FER1L6: variants seen among roughly 807,000 people sequenced by gnomAD.
The protein encoded by FER1L6 is fer-1-like protein 6.
FER1L6 carries 177 observed loss-of-function variants against 219.2 expected under a neutral mutation model. That is an observed-to-expected ratio of 0.81 (90% CI 0.71 to 0.91). The LOEUF is 0.91. Ranked by LOEUF, FER1L6 falls within the 40% of genes least tolerant of loss-of-function variation. The probability of loss-of-function intolerance (pLI) is 0.00; values close to 1 mark genes in which losing one functional copy is unlikely to be tolerated. For missense variants in FER1L6, 2,153 were observed against 2,259.9 expected (o/e 0.95, Z 0.96); for synonymous variants, 768 against 824.3 (o/e 0.93, Z 1.17).
Position 124,095,025 on chromosome 8 carries a change from C to T in FER1L6, c.4682C>T (p.Pro1561Leu), listed in dbSNP as rs1020193180. The T allele has an allele frequency of 3.1e-6, 5 of 1,613,916 alleles. No individual in the cohort carries two copies. The African/African-American group carries it at 5.3e-5, about 17-fold the overall frequency. ...ETRPLYHKDK[P>L]GMEQGRLQMW... ...CGGCCACTGTACCACAAGGATAAGC[C>T]AGGAATGGAGCAGGTAGTGGGCAAG... Residue 1561 changes from proline (P) to leucine (L), a missense_variant, in exon 35 of 41, where the codon CCA becomes CTA. Pro to Leu is a moderately conservative substitution (Grantham distance 98, BLOSUM62 -3). Transcript: ENST00000522917.
At chr8:124,108,923 A>C (rs1457135889) in intron 39 of FER1L6, among the ~76,000 whole-genome samples, 1 of 152,144 alleles carries the variant, frequency 6.6e-6, no homozygotes, top group Non-Finnish European at 1.5e-5. Flanking sequence ...GGGGGGAAGA[A>C]TAGAACCTCT....
At chr8:124,106,871 C>CA (rs1247168065) in intron 39 of FER1L6, among the ~76,000 whole-genome samples, 7 of 151,424 alleles carry the variant, frequency 4.6e-5, no homozygotes, top group African/African-American at 1.7e-4. Flanking sequence ...ACATAATACT[C>CA]AAATATTTAT....
intron 12 of FER1L6, among the ~76,000 whole-genome samples, chr8:123,996,804 A>C (rs1403448222): frequency 6.6e-6 from 1 of 151,900 alleles, no homozygotes; most frequent in Non-Finnish European, 1.5e-5. Context: ...TTTTGATTTG[A>C]GGTTATCATA....
intron 13 of FER1L6, among the ~76,000 whole-genome samples, chr8:124,009,692 G>A (rs139037643): frequency 3.9e-5 from 6 of 152,204 alleles, no homozygotes; most frequent in South Asian, 2.1e-4. Context: ...GAGGGTCATT[G>A]ATCGGGAGGT....
chr8:123,909,596 A>G (rs1048000419), intron 1 of FER1L6, among the ~76,000 whole-genome samples: 2 of 152,196 alleles, frequency 1.3e-5, no homozygotes, highest in Non-Finnish European at 2.9e-5. Flanking sequence ...CTACACATAA[A>G]GGTTGAGGGG....
chr8:123,890,156 T>A (rs541270609), intron 1 of FER1L6, among the ~76,000 whole-genome samples: 1 of 152,250 alleles, frequency 6.6e-6, no homozygotes, highest in Admixed American at 6.5e-5. Flanking sequence ...TGTTCCATAC[T>A]CCATTTACTC....
At position 123,853,767 on chromosome 8, in the gene FER1L6, G is replaced by A. The variant is rs902664458; in HGVS notation, c.-8+1582G>A. 6.6e-6 allele frequency among the ~76,000 whole-genome samples: 1 copy of A among 152,236 alleles called. No individual in the cohort carries two copies. Among genetic ancestry groups the A allele is most frequent in the African/African-American group, 2.4e-5 (1 of 41,456 alleles). ...CCAGAAAGCTGCAGACAACCCAACA[G>A]TGTCAAGCACAGAGGCTGGTTTTCA... On this transcript the variant is annotated intron_variant, in intron 1 of 40. Transcript: ENST00000522917. This position sits in a 1 kb window ranked among gnomAD's most constrained non-coding sequence, Gnocchi z 6.6.
intron 39 of FER1L6, among the ~76,000 whole-genome samples, chr8:124,106,604 C>T (rs1426451689): frequency 6.6e-6 from 1 of 152,042 alleles, no homozygotes; most frequent in Non-Finnish European, 1.5e-5. Context: ...TTGCCTTAGC[C>T]CCTTTCTCTG....
chr8:124,073,570 C>CT (rs1235159249), intron 31 of FER1L6, among the ~76,000 whole-genome samples: 39 of 152,144 alleles, frequency 2.6e-4, no homozygotes. Flanking sequence ...TTCCCCACCT[C>CT]TTTTTTTCCT....
At chr8:124,022,378 C>G (rs944624002) in intron 17 of FER1L6, among the ~76,000 whole-genome samples, 1 of 152,166 alleles carries the variant, frequency 6.6e-6, no homozygotes, top group African/African-American at 2.4e-5. Context: ...GCTTCCAGTC[C>G]AGGAATGTCA....
chr8:123,992,847 C>G (rs1166250506), intron 12 of FER1L6, among the ~76,000 whole-genome samples: 1 of 152,070 alleles, frequency 6.6e-6, no homozygotes, highest in African/African-American at 2.4e-5. Flanking sequence ...GCATTTAGTC[C>G]TTCCTCTTAG....
At chr8:124,066,659 C>T in intron 27 of FER1L6, 109 bp downstream of exon 27, 2 of 1,229,932 alleles carry the variant, frequency 1.6e-6, no homozygotes, top group South Asian at 1.5e-5. Flanking sequence ...TATACATAGA[C>T]CCTACTCAGG....
Position 123,969,845 on chromosome 8 carries a change from C to T in FER1L6, c.385-190C>T, listed in dbSNP as rs114628146. ...TTGTGCCACTGCACTCCAACCTAGC[C>T]GACAGAACAAAACCCTGTCTCCAAA... On this transcript the variant is annotated intron_variant, in intron 5 of 40. Transcript: ENST00000522917. Among the ~76,000 whole-genome samples the T allele has an allele frequency of 3.9e-3, 543 of 140,966 alleles. 5 individuals carry two copies. Among genetic ancestry groups the T allele is most frequent in the African/African-American group, 0.014 (515 of 37,350 alleles). 92.5% of individuals were successfully genotyped at this position (140,966 alleles called of 152,430 possible).
chr8:123,905,845 G>T (rs1389502807), intron 1 of FER1L6, among the ~76,000 whole-genome samples: 1 of 152,048 alleles, frequency 6.6e-6, no homozygotes, highest in Non-Finnish European at 1.5e-5. Flanking sequence ...TTTTTTCTAA[G>T]TTGTACATTG....
At chr8:123,937,473 C>T (rs1197710498) in intron 1 of FER1L6, among the ~76,000 whole-genome samples, 1 of 152,116 alleles carries the variant, frequency 6.6e-6, no homozygotes, top group Non-Finnish European at 1.5e-5. Flanking sequence ...TGAGAAAAGG[C>T]CTTTGAGTGT....
chr8:124,118,610 T>C (rs1244223175), intron 39 of FER1L6, among the ~76,000 whole-genome samples: 1 of 152,240 alleles, frequency 6.6e-6, no homozygotes, highest in East Asian at 1.9e-4. Context: ...TGTGGACACA[T>C]GGGACCCTTT....
Position 124,106,328 on chromosome 8 carries a change from CAAAAAAAAAAAA to C in FER1L6, c.5289+3041_5289+3052del, listed in dbSNP as rs71289636. On this transcript the variant is annotated intron_variant, in intron 39 of 40. Coordinates refer to ENST00000522917, the MANE Select transcript of FER1L6 (RefSeq NM_001039112.2). ...TGGGCGACAGAGTGAGACTCTGTCT[CAAAAAAAAAAAA>C]AAAAAAAAAAAAAAAAAAAAACAGA... Among the ~76,000 whole-genome samples, 284 of 63,868 alleles carry C rather than the reference CAAAAAAAAAAAA, an allele frequency of 4.4e-3. 1 individual carries two copies. Among genetic ancestry groups the C allele is most frequent in the African/African-American group, 0.017 (266 of 15,558 alleles). 41.9% of individuals were successfully genotyped at this position (63,868 alleles called of 152,430 possible). A position where few individuals can be genotyped will look rare whatever the true frequency, so the allele number is the denominator to read the frequency against.
rs1324545153 is a variant in FER1L6, at chr8:123,985,730, A to G, written c.1411-338A>G. On this transcript the variant is annotated intron_variant, in intron 11 of 40. Coordinates refer to ENST00000522917, the MANE Select transcript of FER1L6 (RefSeq NM_001039112.2). ...TGATTTTCTGTTTTCTGAAACCCCA[A>G]TCTCCAGAAGGTAATTCCAAACCCG... 8 of 193,626 alleles carry G rather than the reference A, an allele frequency of 4.1e-5. No individual in the cohort carries two copies. The East Asian group carries it at 5.6e-4, about 13-fold the overall frequency. 12.0% of individuals were successfully genotyped at this position (193,626 alleles called of 1,614,324 possible). A position where few individuals can be genotyped will look rare whatever the true frequency, so the allele number is the denominator to read the frequency against.
chr8:123,986,545 A>T (rs1035746171), intron 12 of FER1L6, among the ~76,000 whole-genome samples: 2 of 152,148 alleles, frequency 1.3e-5, no homozygotes, highest in African/African-American at 4.8e-5. Context: ...GTTACTTAAA[A>T]ACGTACAGTA....
Sources: gnomAD v4.1 joint callset for allele counts (sites outside exome capture counted in the v4.1 genomes callset) on GRCh38, gnomAD v4.1.1 for gene constraint, Gnocchi (gnomAD v3.1) non-coding constraint, MANE v1.5 for transcripts, NCBI Gene and HGNC (gene_info 2026-07-23, HGNC 2026-07-21) for gene names.